Variants in ZC3H3 observed in about 807,000 individuals in gnomAD.
ZC3H3 encodes the protein zinc finger CCCH-type containing 3.
Under a neutral mutation model 77.3 loss-of-function variants are expected in ZC3H3, and 36 were observed. The ratio of observed to expected loss-of-function variants is 0.47; its 90% CI spans 0.36 to 0.61. The LOEUF (loss-of-function observed/expected upper bound fraction) is 0.61, where lower values mean the gene tolerates loss of function less well. Ranked by LOEUF, ZC3H3 falls within the 20% of genes least tolerant of loss-of-function variation. The pLI is 0.00. For missense variants in ZC3H3, 1,331 were observed against 1,312.2 expected, an observed-to-expected ratio of 1.01 and a Z score of -0.22; for synonymous variants, 626 against 555.2, an observed-to-expected ratio of 1.13 and a Z score of -1.79.
chr8:143,536,441 G>A lies in ZC3H3; in HGVS notation c.1377C>T (p.Asp459=). Residue 459 remains aspartate (D), a synonymous_variant, in exon 3 of 12, where the codon GAC becomes GAT. Transcript: ENST00000262577. The part of the protein sequence containing the change: ...RRRSSTSLPG[D]KKSGTSPAAT... ...CGGCAGGTGAGGTGCCGCTTTTCTT[G>A]TCTCCAGGAAGGCTGTGGAGACAAA... is the stretch of plus-strand genomic sequence containing the variant. 2 of 1,522,066 alleles carry A rather than the reference G, an allele frequency of 1.3e-6. No individual in the cohort carries two copies. Among genetic ancestry groups the A allele is most frequent in the Non-Finnish European group, 1.8e-6 (2 of 1,130,320 alleles). The allele number at this position is 1,522,066 out of a possible 1,614,324, so 94.3% of individuals were successfully genotyped here.
intron 4 of ZC3H3, among the ~76,000 whole-genome samples, chr8:143,475,901 G>A (rs1397258391): frequency 6.6e-6 from 1 of 152,206 alleles, no homozygotes; most frequent in Non-Finnish European, 1.5e-5. Flanking sequence ...AGAAGCCACG[G>A]TGAGAGGGCA....
chr8:143,497,522 C>T (rs1821386638), intron 4 of ZC3H3, among the ~76,000 whole-genome samples: 1 of 152,248 alleles, frequency 6.6e-6, no homozygotes, highest in South Asian at 2.1e-4. Flanking sequence ...AGGACCAGCA[C>T]CGCCTGCCCC....
At position 143,454,286 on chromosome 8, in the gene ZC3H3, T is replaced by C. The variant is rs1275937381; in HGVS notation, c.2307+11431A>G. On this transcript the variant is annotated intron_variant, in intron 9 of 11. Coordinates refer to ENST00000262577, the MANE Select transcript of ZC3H3 (RefSeq NM_015117.3). The stretch of plus-strand genomic sequence containing the variant: ...TTGTAACTTTAGTAGAGACAGGGTT[T>C]CACCATGTTGACGAGGCTGGTCTTG... 2.0e-5 allele frequency among the ~76,000 whole-genome samples: 3 copies of C among 151,734 alleles called. No homozygotes were observed. In the East Asian group the frequency reaches 5.8e-4, roughly 29 times the overall value.
rs1385664011 is a variant in ZC3H3, at chr8:143,534,693, CCCCTA to C, written c.1561+1559_1561+1563del. On this transcript the variant is annotated intron_variant, in intron 3 of 11. Coordinates refer to ENST00000262577, the MANE Select transcript of ZC3H3 (RefSeq NM_015117.3). Reference sequence around the variant, plus strand: ...GGGATACCGCCAACTGTCCAAGCCACCCCTACCATCCACTCCCAGATAAGCCCACG... The same window carrying C: ...GGGATACCGCCAACTGTCCAAGCCACCCATCCACTCCCAGATAAGCCCACG... Among the ~76,000 whole-genome samples the C allele has an allele frequency of 5.0e-4, 76 of 152,284 alleles. 1 individual carries two copies. Among genetic ancestry groups the C allele is most frequent in the Non-Finnish European group, 1.0e-4 (7 of 68,018 alleles).
In ZC3H3 at chr8:143,462,164, C is replaced by T. The variant is rs1272376252; in HGVS notation, c.2307+3553G>A. On this transcript the variant is annotated intron_variant, in intron 9 of 11. Coordinates refer to ENST00000262577, the MANE Select transcript of ZC3H3 (RefSeq NM_015117.3). The surrounding 1 kb of genome is among the most constrained non-coding windows in gnomAD (Gnocchi z 4.7). Reference sequence around the variant, plus strand: ...CAGGGCCACCCAGGACACTGCCAGGCCCACTGTGGCCCCCTGAAGAGTCGC... The same window carrying T: ...CAGGGCCACCCAGGACACTGCCAGGTCCACTGTGGCCCCCTGAAGAGTCGC... Among the ~76,000 whole-genome samples the T allele has an allele frequency of 6.6e-6, 1 of 152,132 alleles. No homozygotes were observed. The highest frequency in any genetic ancestry group is 2.4e-5 in the African/African-American group (1 of 41,416).
intron 4 of ZC3H3, among the ~76,000 whole-genome samples, chr8:143,478,511 ATTTTTTTG>A (rs1256928248): frequency 6.6e-6 from 1 of 151,944 alleles, no homozygotes. Context: ...GCTCCTTCTT[ATTTTTTTG>A]TTTTTTTGAG....
chr8:143,478,779 G>C (rs912474329), intron 4 of ZC3H3, among the ~76,000 whole-genome samples: 1 of 152,214 alleles, frequency 6.6e-6, no homozygotes, highest in Non-Finnish European at 1.5e-5. Flanking sequence ...CAAAGTGCCG[G>C]GATTACAGGC....
intron 4 of ZC3H3, among the ~76,000 whole-genome samples, chr8:143,497,816 C>A (rs1191351498): frequency 6.6e-6 from 1 of 152,236 alleles, no homozygotes; most frequent in Non-Finnish European, 1.5e-5. Context: ...TCTGGGCCGC[C>A]AGCAGCTCGA....
intron 4 of ZC3H3, among the ~76,000 whole-genome samples, chr8:143,489,380 C>T (rs114617466): frequency 0.015 from 2,217 of 152,270 alleles, 47 homozygotes; most frequent in African/African-American, 0.052. Flanking sequence ...GACAAGCAGC[C>T]AATGGAAAGG....
Position 143,485,887 on chromosome 8 carries a change from C to G in ZC3H3, c.1716-10302G>C, listed in dbSNP as rs115334332. Among the ~76,000 whole-genome samples the G allele has an allele frequency of 8.4e-3, 1,286 of 152,360 alleles. 16 individuals carry two copies. Among genetic ancestry groups the G allele is most frequent in the African/African-American group, 0.029 (1,224 of 41,586 alleles). On this transcript the variant is annotated intron_variant, in intron 4 of 11. Coordinates refer to ENST00000262577, the MANE Select transcript of ZC3H3 (RefSeq NM_015117.3). ...CAGCAATGCCAGCCAGCGGGATGGGCGTGAGGCCCCACACCCCCCAGCATG... is the reference window on the plus strand; with the variant it reads ...CAGCAATGCCAGCCAGCGGGATGGGGGTGAGGCCCCACACCCCCCAGCATG...
chr8:143,438,615 G>C (rs373322684), intron 11 of ZC3H3, among the ~76,000 whole-genome samples: 2 of 152,160 alleles, frequency 1.3e-5, no homozygotes, highest in Admixed American at 6.5e-5. Context: ...AGTGTGGAGG[G>C]AGCAGTTCCC....
chr8:143,441,650 G>A (rs1188063311), intron 9 of ZC3H3, among the ~76,000 whole-genome samples: 1 of 152,184 alleles, frequency 6.6e-6, no homozygotes, highest in Non-Finnish European at 1.5e-5. Context: ...ACAGGGCAGG[G>A]GGTGTGCCAG....
intron 1 of ZC3H3, among the ~76,000 whole-genome samples, 172 bp downstream of exon 1, chr8:143,541,204 G>A (rs1823001948): frequency 6.6e-6 from 1 of 152,154 alleles, no homozygotes; most frequent in African/African-American, 2.4e-5. Flanking sequence ...GCCGGGGACT[G>A]ACCCGGGCCC....
At chr8:143,516,141 C>A (rs1029067924) in intron 3 of ZC3H3, among the ~76,000 whole-genome samples, 1 of 152,240 alleles carries the variant, frequency 6.6e-6, no homozygotes, top group African/African-American at 2.4e-5. Context: ...GTGAGTGCCC[C>A]GCCCCTACGC....
At chr8:143,506,069 G>T (rs1199701530) in intron 4 of ZC3H3, among the ~76,000 whole-genome samples, 1 of 152,218 alleles carries the variant, frequency 6.6e-6, no homozygotes, top group East Asian at 1.9e-4. Flanking sequence ...CCTCCTCCCG[G>T]CCTCCTCAGC....
intron 3 of ZC3H3, among the ~76,000 whole-genome samples, chr8:143,516,027 G>A (rs1822028069): frequency 6.6e-6 from 1 of 152,184 alleles, no homozygotes; most frequent in Non-Finnish European, 1.5e-5. Flanking sequence ...GACGTGGCTG[G>A]GCCCTCCGCC....
At chr8:143,464,911 G>A (rs1820366252) in intron 9 of ZC3H3, among the ~76,000 whole-genome samples, 2 of 152,298 alleles carry the variant, frequency 1.3e-5, no homozygotes, top group East Asian at 3.9e-4. Context: ...AGAGAAACAG[G>A]CGTGAGAGGC....
In ZC3H3 at chr8:143,460,215, T is replaced by G. The variant is rs1439525596; in HGVS notation, c.2307+5502A>C. ...GTGAGCCGAGATCATGCCATTGCAC[T>G]CCAGCCTGGGCGACAGAGTGAGACT... On this transcript the variant is annotated intron_variant, in intron 9 of 11. Transcript: ENST00000262577. This position sits in a 1 kb window ranked among gnomAD's most constrained non-coding sequence, Gnocchi z 4.0. Among the ~76,000 whole-genome samples, 1 of 151,500 alleles carries G rather than the reference T, an allele frequency of 6.6e-6. No individual in the cohort carries two copies. Among genetic ancestry groups the G allele is most frequent in the Non-Finnish European group, 1.5e-5 (1 of 67,914 alleles).
chr8:143,483,267 C>T (rs1820956886), intron 4 of ZC3H3, among the ~76,000 whole-genome samples: 1 of 152,218 alleles, frequency 6.6e-6, no homozygotes, highest in South Asian at 2.1e-4. Context: ...ACCGTGCTGG[C>T]TCGGGAGGGC....
Sources: allele counts gnomAD v4.1 joint callset (sites outside exome capture counted in the v4.1 genomes callset), GRCh38; gene constraint gnomAD v4.1.1; non-coding constraint Gnocchi (gnomAD v3.1); transcripts MANE v1.5; gene names NCBI Gene and HGNC (gene_info 2026-07-23, HGNC 2026-07-21).